The following OXR1 variants were observed in gnomAD, a reference collection of about 807,000 sequenced individuals.
OXR1 encodes the protein oxidation resistance protein 1.
OXR1 carries 41 observed loss-of-function variants against 104.6 expected under a neutral mutation model. That is an observed-to-expected ratio of 0.39 (90% confidence interval 0.31 to 0.51). OXR1 has a LOEUF of 0.51. Among genes scored for constraint, OXR1 ranks in the 20% least tolerant of loss-of-function variants. The pLI is 0.77. For synonymous variants in OXR1, 348 were observed against 348.4 expected, an observed-to-expected ratio of 1.00 and a Z score of 0.01; for missense variants, 955 against 1,031.9, an observed-to-expected ratio of 0.93 and a Z score of 1.02.
chr8:106,350,911 C>T (rs1028270362), intron 1 of OXR1, among the ~76,000 whole-genome samples: 11 of 152,298 alleles, frequency 7.2e-5, no homozygotes, highest in Admixed American at 6.5e-5. Context: ...AACTGAACTA[C>T]ATTCTGGATA....
At chr8:106,306,446 C>A (rs1813468594) in intron 1 of OXR1, among the ~76,000 whole-genome samples, 1 of 151,412 alleles carries the variant, frequency 6.6e-6, no homozygotes, top group Admixed American at 6.6e-5. Flanking sequence ...TTACCAAAAG[C>A]AAATGGAAAG....
At chr8:106,627,005 AACCT>A (rs1375877096) in intron 3 of OXR1, among the ~76,000 whole-genome samples, 1 of 152,070 alleles carries the variant, frequency 6.6e-6, no homozygotes, top group Non-Finnish European at 1.5e-5. Flanking sequence ...CTCCGTAGTT[AACCT>A]CTCGTGTCTA....
At chr8:106,580,401 G>A (rs1818145464) in intron 3 of OXR1, among the ~76,000 whole-genome samples, 1 of 152,162 alleles carries the variant, frequency 6.6e-6, no homozygotes. Flanking sequence ...GTACATGACA[G>A]GGTTTTCTTT....
chr8:106,671,953 G>C (rs1480958996), intron 3 of OXR1, among the ~76,000 whole-genome samples: 3 of 139,420 alleles, frequency 2.2e-5, no homozygotes, highest in Non-Finnish European at 4.6e-5. Context: ...ATGTACCCTA[G>C]AACTTAAAGT....
At chr8:106,315,463 C>A (rs1357793736) in intron 1 of OXR1, among the ~76,000 whole-genome samples, 1 of 152,066 alleles carries the variant, frequency 6.6e-6, no homozygotes, top group African/African-American at 2.4e-5. Context: ...TCCTAACAAA[C>A]TAATTTGTAG....
At chr8:106,463,183 T>A (rs952131800) in intron 2 of OXR1, among the ~76,000 whole-genome samples, 1 of 152,080 alleles carries the variant, frequency 6.6e-6, no homozygotes, top group Admixed American at 6.6e-5. Context: ...AGAGGCTGGT[T>A]GTCAGCCTTA....
intron 3 of OXR1, among the ~76,000 whole-genome samples, chr8:106,571,764 C>G (rs1446582500): frequency 1.3e-5 from 2 of 152,046 alleles, no homozygotes. Flanking sequence ...ACCTGTGACA[C>G]CAGACAAGTT....
At chr8:106,728,906 TA>T (rs2131508365) in intron 11 of OXR1, among the ~76,000 whole-genome samples, 1 of 152,316 alleles carries the variant, frequency 6.6e-6, no homozygotes, top group Admixed American at 6.5e-5. Context: ...TAGGCCGTCA[TA>T]TATGAACAGA....
intron 3 of OXR1, among the ~76,000 whole-genome samples, chr8:106,631,746 A>C (rs993783460): frequency 7.9e-5 from 12 of 152,204 alleles, no homozygotes; most frequent in African/African-American, 2.9e-4. Context: ...GATCATAATC[A>C]GCCTACTAAG....
intron 2 of OXR1, among the ~76,000 whole-genome samples, chr8:106,487,785 G>C (rs1810787887): frequency 2.0e-5 from 3 of 151,564 alleles, no homozygotes; most frequent in Admixed American, 6.6e-5. Flanking sequence ...GTATTCCATG[G>C]TGTATATGTG....
At chr8:106,284,982 A>G (rs974075880) in intron 1 of OXR1, among the ~76,000 whole-genome samples, 29 of 152,172 alleles carry the variant, frequency 1.9e-4, no homozygotes, top group Non-Finnish European at 1.0e-4. Context: ...ATTTAAATAT[A>G]TATAAAATAA....
chr8:106,363,442 A>G (rs1816332252), intron 2 of OXR1, among the ~76,000 whole-genome samples: 1 of 152,242 alleles, frequency 6.6e-6, no homozygotes, highest in Admixed American at 6.5e-5. Flanking sequence ...CTAATTGCAA[A>G]TGGTCAAACA....
At chr8:106,459,688 T>C (rs1820802084) in intron 2 of OXR1, among the ~76,000 whole-genome samples, 1 of 152,204 alleles carries the variant, frequency 6.6e-6, no homozygotes. Context: ...GTCCTAAATC[T>C]TGAAAAGCCC....
At chr8:106,658,438 T>C (rs1161552266) in intron 3 of OXR1, among the ~76,000 whole-genome samples, 3 of 152,210 alleles carry the variant, frequency 2.0e-5, no homozygotes, top group Admixed American at 6.5e-5. Context: ...TCACCTAGAC[T>C]TGATTTTCTT....
At chr8:106,289,188 A>T in intron 1 of OXR1, among the ~76,000 whole-genome samples, 1 of 152,226 alleles carries the variant, frequency 6.6e-6, no homozygotes, top group East Asian at 1.9e-4. Flanking sequence ...ATCAGGCAAG[A>T]GGAAGAAATA....
Position 106,447,786 on chromosome 8 carries a change from T to A in OXR1, c.24-71157T>A, listed in dbSNP as rs1334604528. On this transcript the variant is annotated intron_variant, in intron 2 of 16. Transcript: ENST00000517566. ...TCGTATTTAATAACCTCCTTCGTTG[T>A]ACACACCGAACGGCATATTCTTTGG... 3.7e-6 allele frequency: 3 copies of A among 800,176 alleles called. No homozygotes were observed. The East Asian group carries it at 8.4e-5, about 22-fold the overall frequency. 49.6% of individuals were successfully genotyped at this position (800,176 alleles called of 1,614,324 possible).
At chr8:106,512,423 A>G (rs1812592212) in intron 2 of OXR1, among the ~76,000 whole-genome samples, 1 of 151,864 alleles carries the variant, frequency 6.6e-6, no homozygotes, top group African/African-American at 2.4e-5. Context: ...TACCACCAAT[A>G]TCTTAGGACT....
intron 7 of OXR1, chr8:106,697,867 C>T (rs751719748): frequency 1.6e-5 from 25 of 1,612,296 alleles, no homozygotes; most frequent in South Asian, 2.2e-5. Context: ...GAAGTTCTCG[C>T]GTCCAGGCTG....
At chr8:106,697,800 G>C in intron 7 of OXR1, 1 of 1,612,184 alleles carries the variant, frequency 6.2e-7, no homozygotes, top group Non-Finnish European at 8.5e-7. Flanking sequence ...CCTGCCCCTT[G>C]GGGTACAGTG....
Sources: allele counts gnomAD v4.1 joint callset (sites outside exome capture counted in the v4.1 genomes callset), GRCh38; gene constraint gnomAD v4.1.1; transcripts MANE v1.5; gene names NCBI Gene and HGNC (gene_info 2026-07-23, HGNC 2026-07-21).